Variants in MALRD1 observed in about 807,000 individuals in gnomAD.
MALRD1 encodes MAM and LDL receptor class A domain containing 1, also known as MAM and LDL-receptor class A domain-containing protein 1.
A neutral mutation model predicts 242.1 loss-of-function variants in MALRD1; 247 were observed. The ratio of observed to expected loss-of-function variants is 1.02; its 90% confidence interval spans 0.92 to 1.13. MALRD1 has a LOEUF of 1.13. MALRD1 is among the 50% of genes most tolerant of loss of function. The pLI is 0.00. For synonymous variants in MALRD1, 995 were observed against 866.6 expected (o/e 1.15, Z -2.60); for missense variants, 2,989 against 2,533.1 (o/e 1.18, Z -3.86).
chr10:19,196,499 C>G (rs1185206322), intron 14 of MALRD1, among the ~76,000 whole-genome samples: 1 of 150,840 alleles, frequency 6.6e-6, no homozygotes, highest in Non-Finnish European at 1.5e-5. Flanking sequence ...AATACTTAAA[C>G]TTGACTTGGC....
intron 28 of MALRD1, among the ~76,000 whole-genome samples, chr10:19,422,240 G>T (rs1833742491): frequency 6.6e-6 from 1 of 152,174 alleles, no homozygotes; most frequent in African/African-American, 2.4e-5. Context: ...ATGCCACTTT[G>T]CAGTACCTTT....
chr10:19,470,138 C>G (rs1836424560), intron 29 of MALRD1, among the ~76,000 whole-genome samples: 1 of 151,968 alleles, frequency 6.6e-6, no homozygotes, highest in Admixed American at 6.6e-5. Context: ...TGGCAATCAC[C>G]ATTCTATGCT....
At chr10:19,452,488 A>G (rs1425733990) in intron 29 of MALRD1, among the ~76,000 whole-genome samples, 1 of 152,226 alleles carries the variant, frequency 6.6e-6, no homozygotes, top group Non-Finnish European at 1.5e-5. Flanking sequence ...ATAGTTGAAT[A>G]TAGTAAATTA....
At chr10:19,471,378 C>T (rs373382117) in intron 29 of MALRD1, among the ~76,000 whole-genome samples, 2 of 151,658 alleles carry the variant, frequency 1.3e-5, no homozygotes, top group African/African-American at 4.8e-5. Context: ...ATGCCTTTGG[C>T]TTTATTTTTC....
At chr10:19,352,546 A>C (rs535539795) in intron 26 of MALRD1, among the ~76,000 whole-genome samples, 1 of 152,112 alleles carries the variant, frequency 6.6e-6, no homozygotes, top group African/African-American at 2.4e-5. Context: ...CCTTCCTCTT[A>C]GATCAATAAA....
chr10:19,550,513 G>A (rs940250043), intron 32 of MALRD1, among the ~76,000 whole-genome samples: 1 of 151,864 alleles, frequency 6.6e-6, no homozygotes, highest in African/African-American at 2.4e-5. Context: ...CCCTCCAATA[G>A]GCCCCAGTGT....
At chr10:19,050,464 A>G (rs1834459679) in intron 1 of MALRD1, among the ~76,000 whole-genome samples, 5 of 152,068 alleles carry the variant, frequency 3.3e-5, no homozygotes, top group Admixed American at 6.6e-5. Context: ...AAGTTTCTAC[A>G]TATTTGATTT....
chr10:19,252,029 T>A (rs967560224), intron 18 of MALRD1, among the ~76,000 whole-genome samples: 1 of 152,046 alleles, frequency 6.6e-6, no homozygotes, highest in African/African-American at 2.4e-5. Context: ...CTGTACAGGC[T>A]GTGGAACTGT....
chr10:19,375,509 A>G (rs141459604), intron 26 of MALRD1, among the ~76,000 whole-genome samples: 1,528 of 152,270 alleles, frequency 0.01, 31 homozygotes, highest in African/African-American at 0.035. Flanking sequence ...AATCACCTGC[A>G]AGGCCCTGGA....
At chr10:19,617,292 CAG>C (rs1839202131) in intron 36 of MALRD1, among the ~76,000 whole-genome samples, 1 of 151,868 alleles carries the variant, frequency 6.6e-6, no homozygotes. Context: ...GGAGATGAGA[CAG>C]AGAATTGAGA....
At chr10:19,681,785 T>C (rs1351873317) in intron 36 of MALRD1, among the ~76,000 whole-genome samples, 1 of 152,072 alleles carries the variant, frequency 6.6e-6, no homozygotes, top group Non-Finnish European at 1.5e-5. Context: ...TTCTTTCTCA[T>C]CTTCATGACT....
intron 33 of MALRD1, among the ~76,000 whole-genome samples, chr10:19,591,444 T>TAAG (rs1300079011): frequency 6.6e-6 from 1 of 151,896 alleles, no homozygotes; most frequent in African/African-American, 2.4e-5. Context: ...AACATTAACT[T>TAAG]TCTTAACGGT....
intron 18 of MALRD1, among the ~76,000 whole-genome samples, chr10:19,216,080 A>G (rs1837299967): frequency 6.7e-6 from 1 of 149,574 alleles, no homozygotes; most frequent in East Asian, 2.0e-4. Context: ...ATTAAGTAAT[A>G]CTATATCTTT....
At chr10:19,725,434 T>C (rs191591154) in intron 38 of MALRD1, among the ~76,000 whole-genome samples, 104 of 152,218 alleles carry the variant, frequency 6.8e-4, no homozygotes, top group Middle Eastern at 3.4e-3. Context: ...ACCTGAGGCC[T>C]CCCCAGGCCT....
At chr10:19,171,323 G>A (rs532282485) in intron 13 of MALRD1, among the ~76,000 whole-genome samples, 1 of 150,522 alleles carries the variant, frequency 6.6e-6, no homozygotes, top group South Asian at 2.1e-4. Context: ...TCCATCTGTG[G>A]TTGAAACAGC....
rs143822596 is a variant in MALRD1, at chr10:19,058,048, C to A, written c.200-8671C>A. ...TATACAGTACTTACTGTATGCCAAG[C>A]ACTGTTAAATAATCTCCATCCAGTG... On this transcript the variant is annotated intron_variant, in intron 1 of 39. Coordinates refer to ENST00000454679, the MANE Select transcript of MALRD1 (RefSeq NM_001142308.3). Among the ~76,000 whole-genome samples the A allele has an allele frequency of 2.7e-4, 41 of 152,264 alleles. 1 individual carries two copies. In the East Asian group the frequency reaches 6.2e-3, roughly 23 times the overall value.
At chr10:19,096,320 G>T (rs906503040) in intron 4 of MALRD1, among the ~76,000 whole-genome samples, 1 of 152,248 alleles carries the variant, frequency 6.6e-6, no homozygotes, top group Non-Finnish European at 1.5e-5. Flanking sequence ...AGCTGAGACA[G>T]CAAGGTTATT....
chr10:19,490,253 T>G (rs1008856310), intron 29 of MALRD1, among the ~76,000 whole-genome samples: 2 of 152,132 alleles, frequency 1.3e-5, no homozygotes, highest in East Asian at 1.9e-4. Context: ...TTAAAATGTT[T>G]GATTTTTCTA....
At chr10:19,541,941 A>G (rs938320984) in intron 32 of MALRD1, among the ~76,000 whole-genome samples, 3 of 152,234 alleles carry the variant, frequency 2.0e-5, no homozygotes, top group African/African-American at 7.2e-5. Context: ...TAAATTAGGC[A>G]GGATGGGAAG....
Sources: allele counts gnomAD v4.1 joint callset (sites outside exome capture counted in the v4.1 genomes callset), GRCh38; gene constraint gnomAD v4.1.1; transcripts MANE v1.5; gene names NCBI Gene and HGNC (gene_info 2026-07-23, HGNC 2026-07-21).